Variants in GAS6 observed in about 807,000 individuals in gnomAD.
GAS6 encodes the protein growth arrest specific 6, also known as growth arrest-specific protein 6.
Under a neutral mutation model 75.8 loss-of-function variants are expected in GAS6, and 41 were observed. That is an observed-to-expected ratio of 0.54 (90% CI 0.42 to 0.70). The LOEUF is 0.70. Among genes scored for constraint, GAS6 ranks in the 30% least tolerant of loss-of-function variants. The probability of loss-of-function intolerance (pLI) is 0.00; values close to 1 mark genes in which losing one functional copy is unlikely to be tolerated. For missense variants in GAS6, 854 were observed against 940.2 expected, an observed-to-expected ratio of 0.91 and a Z score of 1.20; for synonymous variants, 432 against 412.6, an observed-to-expected ratio of 1.05 and a Z score of -0.57.
chr13:113,840,147 G>C (rs549168710), intron 4 of GAS6: 1 of 390,802 alleles, frequency 2.6e-6, no homozygotes, highest in South Asian at 3.1e-5. Context: ...ACTGCCTGGC[G>C]TGAGGCCTGG....
At chr13:113,850,609 GACA>G (rs529486943) in intron 2 of GAS6, among the ~76,000 whole-genome samples, 119 of 152,320 alleles carry the variant, frequency 7.8e-4, no homozygotes, top group African/African-American at 2.6e-3. Flanking sequence ...AGAGGAAAAA[GACA>G]ACATCTACCT....
chr13:113,829,051 A>C (rs1342048340), intron 10 of GAS6, among the ~76,000 whole-genome samples: 1 of 76,056 alleles, frequency 1.3e-5, no homozygotes, highest in African/African-American at 1.3e-4. Flanking sequence ...TCTCAATCTC[A>C]GGCAGACCAC....
chr13:113,841,886 C>A (rs368442075), intron 4 of GAS6: 13 of 125,848 alleles, frequency 1.0e-4, no homozygotes, highest in Admixed American at 1.6e-4. Flanking sequence ...CCTCCATACA[C>A]CCCACAGTTT....
chr13:113,822,231 C>T (rs752540081), intron 13 of GAS6, 45 bp from the exon 14 acceptor site: 16 of 1,432,532 alleles, frequency 1.1e-5, no homozygotes, highest in South Asian at 2.8e-5. Context: ...GCCACCCCTA[C>T]GTGAGCTGTT....
intron 11 of GAS6, among the ~76,000 whole-genome samples, chr13:113,828,180 C>T (rs1002716743): frequency 2.8e-4 from 42 of 152,218 alleles, no homozygotes; most frequent in Middle Eastern, 3.4e-3. Flanking sequence ...AGGAGAATGG[C>T]GTGAACCCGG....
rs1367124700 is a variant in GAS6 at position 113,820,644 on chromosome 13, C to G, written c.*220G>C. 6 of 515,254 alleles carry G rather than the reference C, an allele frequency of 1.2e-5. No homozygotes were observed. The highest frequency in any genetic ancestry group is 2.1e-5 in the Non-Finnish European group (6 of 289,962). 31.9% of individuals were successfully genotyped at this position (515,254 alleles called of 1,614,324 possible). A position where few individuals can be genotyped will look rare whatever the true frequency, so the allele number is the denominator to read the frequency against. Reference sequence around the variant, plus strand: ...TAATAGAGAATTATTTTCTTCGAGCCCGCTCTGCGCTGCGCCGGCCTCCCC... The same window carrying G: ...TAATAGAGAATTATTTTCTTCGAGCGCGCTCTGCGCTGCGCCGGCCTCCCC... On this transcript the variant is annotated 3_prime_UTR_variant, in exon 15 of 15. Coordinates refer to ENST00000327773, the MANE Select transcript of GAS6 (RefSeq NM_000820.4).
intron 8 of GAS6, 186 bp from the exon 9 acceptor site, chr13:113,832,938 C>G (rs572295292): frequency 4.7e-6 from 7 of 1,480,500 alleles, no homozygotes; most frequent in Non-Finnish European, 6.3e-6. Context: ...AGGTGAAGGG[C>G]GGGCTTGCAG....
intron 3 of GAS6, chr13:113,847,026 T>C (rs756255438): frequency 2.0e-6 from 1 of 508,844 alleles, no homozygotes; most frequent in Non-Finnish European, 3.9e-6. Flanking sequence ...TGAACACAGC[T>C]TGACAGCAGA....
intron 2 of GAS6, among the ~76,000 whole-genome samples, chr13:113,858,296 G>T (rs955621838): frequency 6.6e-6 from 1 of 152,074 alleles, no homozygotes; most frequent in Non-Finnish European, 1.5e-5. Flanking sequence ...GTGTGTACAT[G>T]TGTGCATATT....
At chr13:113,825,229 C>T (rs543731519) in intron 12 of GAS6, among the ~76,000 whole-genome samples, 11 of 120,704 alleles carry the variant, frequency 9.1e-5, no homozygotes, top group East Asian at 6.6e-4. Flanking sequence ...GGCGAAACTC[C>T]GTCTCAAAAA....
intron 12 of GAS6, among the ~76,000 whole-genome samples, chr13:113,826,701 T>C (rs1321036644): frequency 6.7e-6 from 1 of 150,048 alleles, no homozygotes; most frequent in African/African-American, 2.5e-5. Context: ...GGCGCCGGCC[T>C]CGCAGGCACC....
Position 113,827,017 on chromosome 13 carries a change from C to A in GAS6, c.1456G>T (p.Ala486Ser), listed in dbSNP as rs747970641. Residue 486 changes from alanine to serine, a missense_variant, in exon 12 of 15, where the codon GCC becomes TCC. Coordinates refer to ENST00000327773, the MANE Select transcript of GAS6 (RefSeq NM_000820.4). ...TTACTGTAGTCCAGGCTGTAGAAGG[C>A]GAAGCCGCTCCCGGGGTAGAAAGAG... Reference protein sequence around the residue: ...RGSFYPGSGFAFYSLDYMRTP... With the variant: ...RGSFYPGSGFSFYSLDYMRTP... 1.2e-6 allele frequency: 2 copies of A among 1,613,134 alleles called. No individual in the cohort carries two copies. The highest frequency in any genetic ancestry group is 1.7e-6 in the Non-Finnish European group (2 of 1,179,926).
chr13:113,839,659 T>C, intron 5 of GAS6, 69 bp downstream of exon 5: 2 of 1,571,758 alleles, frequency 1.3e-6, no homozygotes, highest in Non-Finnish European at 1.7e-6. Context: ...GGAGTGGGAG[T>C]GAGGAGCGGG....
chr13:113,830,730 A>C (rs1379189448), intron 10 of GAS6, among the ~76,000 whole-genome samples: 1 of 108,316 alleles, frequency 9.2e-6, no homozygotes, highest in East Asian at 3.0e-4. Flanking sequence ...ATCCCCTGCA[A>C]CACCACTCCC....
chr13:113,821,365 C>T lies in GAS6; in HGVS notation c.1883-347G>A, dbSNP rs1006916840. 7.5e-5 allele frequency: 20 copies of T among 265,364 alleles called. No homozygotes were observed. In the South Asian group the frequency reaches 1.7e-3, roughly 23 times the overall value. The allele number at this position is 265,364 out of a possible 1,614,324, so 16.4% of individuals were successfully genotyped here. A position where few individuals can be genotyped will look rare whatever the true frequency, so the allele number is the denominator to read the frequency against. ...CTCTTCAAAGCTCTGTTTATTAAAA[C>T]TAAGTGGAGTCTGTGTCTGGCAGCC... is the stretch of plus-strand genomic sequence containing the variant. On this transcript the variant is annotated intron_variant, in intron 14 of 14. Coordinates refer to ENST00000327773, the MANE Select transcript of GAS6 (RefSeq NM_000820.4).
intron 3 of GAS6, chr13:113,847,656 C>T: frequency 7.5e-6 from 2 of 267,138 alleles, no homozygotes; most frequent in South Asian, 8.6e-5. Flanking sequence ...GTCAATACAG[C>T]CCACATGAAC....
intron 3 of GAS6, 165 bp downstream of exon 3, chr13:113,847,861 A>G (rs1020959549): frequency 1.4e-6 from 1 of 695,712 alleles, no homozygotes; most frequent in Admixed American, 2.7e-5. Context: ...ATAAAGAGAG[A>G]AACTTGTGTT....
rs773341392 is a variant in GAS6, at chr13:113,839,744, GC to G, written c.449del (p.Gly150AlafsTer49). 8.7e-6 allele frequency: 14 copies of G among 1,613,510 alleles called. No individual in the cohort carries two copies. The highest frequency in any genetic ancestry group is 1.1e-5 in the South Asian group (1 of 91,062). ...CTCACGTACCTTTGTCGCAGAGCCGGCCCCCCCAGCCAGCTTTACACAGGCA... is the reference window on the plus strand; with the variant it reads ...CTCACGTACCTTTGTCGCAGAGCCGGCCCCCCAGCCAGCTTTACACAGGCA... Reference protein sequence around the residue: ...FFCLCKAGWGGRLCDKDVNEC... With the variant: ...FFCLCKAGWGXRLCDKDVNEC... On this transcript the variant is annotated frameshift_variant, in exon 5 of 15. Coordinates refer to ENST00000327773, the MANE Select transcript of GAS6 (RefSeq NM_000820.4). LOFTEE classifies it high-confidence loss of function.
chr13:113,858,414 T>C (rs1441389085), intron 2 of GAS6, among the ~76,000 whole-genome samples: 2 of 152,160 alleles, frequency 1.3e-5, no homozygotes, highest in Non-Finnish European at 2.9e-5. Flanking sequence ...TGTTTACATA[T>C]GTCTATGTGA....
Sources: gnomAD v4.1 joint callset for allele counts (sites outside exome capture counted in the v4.1 genomes callset) on GRCh38, gnomAD v4.1.1 for gene constraint, MANE v1.5 for transcripts, NCBI Gene and HGNC (gene_info 2026-07-23, HGNC 2026-07-21) for gene names.